PTPRD: variants seen among roughly 807,000 people sequenced by gnomAD.
The protein encoded by PTPRD is receptor-type tyrosine-protein phosphatase delta.
In PTPRD, 34 loss-of-function variants were observed where a neutral mutation model predicts 214.5. The ratio of observed to expected loss-of-function variants is 0.16; its 90% confidence interval spans 0.12 to 0.21. The LOEUF is 0.21. PTPRD is among the 10% of genes least tolerant of loss of function. PTPRD has a pLI of 1.00. For missense variants in PTPRD, 2,545 were observed against 2,398.7 expected (o/e 1.06, Z -1.27); for synonymous variants, 1,128 against 845.7 (o/e 1.33, Z -5.79).
At chr9:8,613,036 C>G (rs1242948730) in intron 14 of PTPRD, among the ~76,000 whole-genome samples, 1 of 152,132 alleles carries the variant, frequency 6.6e-6, no homozygotes, top group Non-Finnish European at 1.5e-5. Context: ...TTATATTCAA[C>G]ATTCTGTCAA....
rs1473266071 is a variant in PTPRD, at chr9:8,636,804, C to A, written c.105G>T (p.Gly35=). ...TGAAAGAGGCAACTCCGCCAGAGAC[C>A]CCTGTCTGATCAACGGGTGTTCGTG... ...RFTRTPVDQT[G]VSGGVASFIC... is the part of the protein sequence containing the mutation. Residue 35 remains glycine (G), a synonymous_variant, in exon 13 of 46, where the codon GGG becomes GGT. Coordinates refer to ENST00000381196, the MANE Select transcript of PTPRD (RefSeq NM_002839.4). The A allele has an allele frequency of 8.7e-6, 14 of 1,613,886 alleles. No homozygotes were observed. In the East Asian group the frequency reaches 1.1e-4, roughly 13 times the overall value.
At chr9:8,370,027 G>A (rs764698868) in intron 39 of PTPRD, among the ~76,000 whole-genome samples, 2 of 152,018 alleles carry the variant, frequency 1.3e-5, no homozygotes, top group Admixed American at 6.6e-5. Flanking sequence ...AGGCTCAAAA[G>A]TGGAACAAAA....
chr9:9,797,810 C>T (rs555427928), intron 5 of PTPRD, among the ~76,000 whole-genome samples: 4 of 151,962 alleles, frequency 2.6e-5, no homozygotes, highest in South Asian at 2.1e-4. Flanking sequence ...ATCGCGCCAT[C>T]GCACACCAGC....
intron 2 of PTPRD, among the ~76,000 whole-genome samples, chr9:10,424,394 T>G (rs2098592957): frequency 6.6e-6 from 1 of 151,806 alleles, no homozygotes; most frequent in Admixed American, 6.6e-5. Context: ...TCAGAACTAT[T>G]ATTCCCATAA....
chr9:10,378,470 A>G (rs2097768395), intron 2 of PTPRD, among the ~76,000 whole-genome samples: 1 of 151,936 alleles, frequency 6.6e-6, no homozygotes, highest in African/African-American at 2.4e-5. Context: ...TCTTTAATCC[A>G]TTTTGATTTC....
chr9:10,210,468 G>C (rs1228908890), intron 3 of PTPRD, among the ~76,000 whole-genome samples: 1 of 151,856 alleles, frequency 6.6e-6, no homozygotes, highest in Non-Finnish European at 1.5e-5. Context: ...CCACTTAGAA[G>C]ACAACACCAA....
rs1386052705 is a variant in PTPRD, at chr9:9,908,626, A to C, written c.-368+29881T>G. Among the ~76,000 whole-genome samples the C allele has an allele frequency of 2.0e-5, 3 of 152,182 alleles. No homozygotes were observed. The East Asian group carries it at 5.8e-4, about 29-fold the overall frequency. On this transcript the variant is annotated intron_variant, in intron 5 of 45. Transcript: ENST00000381196. ...ATGGGTTTTAAAGATTTAGTTGTCT[A>C]TGCAGTCTTTAAAATATATACTTTC...
intron 3 of PTPRD, among the ~76,000 whole-genome samples, chr9:10,096,244 C>A (rs917793528): frequency 6.6e-6 from 1 of 151,646 alleles, no homozygotes; most frequent in East Asian, 1.9e-4. Flanking sequence ...AATTGAGATA[C>A]ATATCTGCAA....
chr9:8,394,012 T>G (rs1017625992), intron 36 of PTPRD, among the ~76,000 whole-genome samples: 1 of 152,116 alleles, frequency 6.6e-6, no homozygotes, highest in Non-Finnish European at 1.5e-5. Flanking sequence ...TCTGTTGTTT[T>G]TCATGCACAA....
chr9:9,789,935 G>T (rs1476754532), intron 5 of PTPRD, among the ~76,000 whole-genome samples: 1 of 151,694 alleles, frequency 6.6e-6, no homozygotes, highest in Non-Finnish European at 1.5e-5. Context: ...TTATATTCAG[G>T]TCTTCAAAAA....
At chr9:9,828,971 T>C (rs2053922654) in intron 5 of PTPRD, among the ~76,000 whole-genome samples, 1 of 151,966 alleles carries the variant, frequency 6.6e-6, no homozygotes, top group Admixed American at 6.6e-5. Context: ...AACATTATCT[T>C]GCAGATTTAT....
chr9:10,576,739 C>A (rs146540559), intron 2 of PTPRD, among the ~76,000 whole-genome samples: 26 of 152,184 alleles, frequency 1.7e-4, no homozygotes, highest in African/African-American at 5.8e-4. Flanking sequence ...TTCAATAGCT[C>A]CAAGGGAATA....
At chr9:8,584,428 A>G (rs1234179854) in intron 14 of PTPRD, among the ~76,000 whole-genome samples, 1 of 151,106 alleles carries the variant, frequency 6.6e-6, no homozygotes, top group African/African-American at 2.4e-5. Context: ...ACATATTGGT[A>G]TTGGTACTAA....
intron 12 of PTPRD, among the ~76,000 whole-genome samples, chr9:8,693,932 C>G (rs2097857781): frequency 6.6e-6 from 1 of 152,188 alleles, no homozygotes; most frequent in Non-Finnish European, 1.5e-5. Flanking sequence ...GATTGAGAAG[C>G]ACTGAAAGAT....
chr9:10,095,105 G>C (rs1234117879), intron 3 of PTPRD, among the ~76,000 whole-genome samples: 1 of 151,198 alleles, frequency 6.6e-6, no homozygotes, highest in Non-Finnish European at 1.5e-5. Context: ...GCATAGGTGA[G>C]ATATTTTGTC....
intron 39 of PTPRD, among the ~76,000 whole-genome samples, chr9:8,365,721 C>T (rs2079667598): frequency 6.6e-6 from 1 of 152,098 alleles, no homozygotes; most frequent in Non-Finnish European, 1.5e-5. Context: ...TTGTTTTAAA[C>T]CAAGGAATGC....
At position 9,540,246 on chromosome 9, in the gene PTPRD, C is replaced by T. The variant is rs943531212; in HGVS notation, c.-237+34486G>A. On this transcript the variant is annotated intron_variant, in intron 8 of 45. Transcript: ENST00000381196. Reference sequence around the variant, plus strand: ...AGATGAGATATGTTACTCACACAGTCATTCATTTAACACATTTTACTACGT... The same window carrying T: ...AGATGAGATATGTTACTCACACAGTTATTCATTTAACACATTTTACTACGT... Among the ~76,000 whole-genome samples, 4 of 134,026 alleles carry T rather than the reference C, an allele frequency of 3.0e-5. No individual in the cohort carries two copies. In the South Asian group the frequency reaches 8.8e-4, roughly 30 times the overall value. 87.9% of individuals were successfully genotyped at this position (134,026 alleles called of 152,430 possible).
At chr9:10,029,487 C>G (rs1369853430) in intron 4 of PTPRD, among the ~76,000 whole-genome samples, 1 of 152,182 alleles carries the variant, frequency 6.6e-6, no homozygotes, top group African/African-American at 2.4e-5. Flanking sequence ...GGGAACCCAT[C>G]TTTTCCATCA....
chr9:10,386,656 C>CA (rs879888709), intron 2 of PTPRD, among the ~76,000 whole-genome samples: 1 of 35,290 alleles, frequency 2.8e-5, no homozygotes, highest in Non-Finnish European at 5.5e-5. Flanking sequence ...GCCCAAAGAC[C>CA]AAAAAAACAA....
Sources: gnomAD v4.1 joint callset for allele counts (sites outside exome capture counted in the v4.1 genomes callset) on GRCh38, gnomAD v4.1.1 for gene constraint, MANE v1.5 for transcripts, NCBI Gene and HGNC (gene_info 2026-07-23, HGNC 2026-07-21) for gene names.